KDM1A: variants seen among roughly 807,000 people sequenced by gnomAD.
The protein encoded by KDM1A is lysine demethylase 1A.
A neutral mutation model predicts 109.4 loss-of-function variants in KDM1A; 49 were observed. The ratio of observed to expected loss-of-function variants is 0.45; its 90% CI spans 0.36 to 0.57. KDM1A has a LOEUF of 0.57. Ranked by LOEUF, KDM1A falls within the 20% of genes least tolerant of loss-of-function variation. The pLI is 0.00. For missense variants in KDM1A, 668 were observed against 1,116.6 expected (o/e 0.60, Z 5.73); for synonymous variants, 380 against 415.4 (o/e 0.91, Z 1.04).
intron 4 of KDM1A, among the ~76,000 whole-genome samples, chr1:23,053,108 A>C (rs1295085050): frequency 6.6e-6 from 1 of 152,118 alleles, no homozygotes; most frequent in South Asian, 2.1e-4. Context: ...CGACATATCT[A>C]GTTGATCATT....
At chr1:23,029,043 T>G (rs1000088818) in intron 1 of KDM1A, among the ~76,000 whole-genome samples, 2 of 152,132 alleles carry the variant, frequency 1.3e-5, no homozygotes, top group African/African-American at 4.8e-5. Flanking sequence ...GTGTTTCCAT[T>G]TTCTAACCCA....
intron 4 of KDM1A, among the ~76,000 whole-genome samples, chr1:23,051,519 A>C (rs543885157): frequency 2.8e-4 from 43 of 152,258 alleles, no homozygotes; most frequent in African/African-American, 1.0e-3. Flanking sequence ...TGCTCCTATA[A>C]TTGGCCAAAA....
chr1:23,080,175 T>C (rs938370605), intron 18 of KDM1A, among the ~76,000 whole-genome samples: 18 of 152,222 alleles, frequency 1.2e-4, no homozygotes, highest in African/African-American at 3.9e-4. Flanking sequence ...GCCTTGTCAG[T>C]GCAGACACAT....
intron 5 of KDM1A, among the ~76,000 whole-genome samples, chr1:23,054,158 C>T (rs758626677): frequency 2.0e-5 from 3 of 152,092 alleles, no homozygotes; most frequent in Non-Finnish European, 4.4e-5. Context: ...AGACTTGGCA[C>T]CAACAATGTC....
At chr1:23,074,126 A>G (rs1643397713) in intron 15 of KDM1A, among the ~76,000 whole-genome samples, 1 of 152,224 alleles carries the variant, frequency 6.6e-6, no homozygotes, top group Non-Finnish European at 1.5e-5. Flanking sequence ...AATCTTGGTA[A>G]TGCCAGTTTT....
rs1368056777 is a variant in KDM1A at position 23,079,016 on chromosome 1, C to T, written c.1894C>T (p.Arg632Cys). Residue 632 changes from arginine to cysteine, a missense_variant, in exon 17 of 21, where the codon CGC becomes TGC. Coordinates refer to ENST00000400181, the MANE Select transcript of KDM1A (RefSeq NM_001009999.3). This position sits in a 1 kb window ranked among gnomAD's most constrained non-coding sequence, Gnocchi z 5.6. ...SGCEVIAVNT[R>C]STSQTFIYKC... ...ATGTGAAGTGATAGCTGTGAATACC[C>T]GCTCCACGAGTCAAACCTTTATTTA... 2 of 1,613,890 alleles carry T rather than the reference C, an allele frequency of 1.2e-6. No homozygotes were observed. Among genetic ancestry groups the T allele is most frequent in the Non-Finnish European group, 1.7e-6 (2 of 1,179,942 alleles).
intron 2 of KDM1A, among the ~76,000 whole-genome samples, chr1:23,042,312 T>C (rs1642359785): frequency 6.6e-6 from 1 of 151,994 alleles, no homozygotes. Flanking sequence ...ACTATTTGTT[T>C]CATTGTTCTG....
intron 9 of KDM1A, among the ~76,000 whole-genome samples, chr1:23,064,311 T>G (rs1275785663): frequency 6.6e-6 from 1 of 152,232 alleles, no homozygotes; most frequent in Non-Finnish European, 1.5e-5. Context: ...GAAGTAAATT[T>G]CTTCTTCTAG....
intron 2 of KDM1A, among the ~76,000 whole-genome samples, chr1:23,043,789 C>T (rs1282630478): frequency 6.6e-6 from 1 of 152,160 alleles, no homozygotes; most frequent in Non-Finnish European, 1.5e-5. Flanking sequence ...ATCTTGCCTG[C>T]CTTTCTCTGT....
chr1:23,056,268 A>G (rs1399193072), intron 7 of KDM1A, among the ~76,000 whole-genome samples: 1 of 151,954 alleles, frequency 6.6e-6, no homozygotes, highest in African/African-American at 2.4e-5. Context: ...TTCCTGACTG[A>G]TATTTTCAGA....
Position 23,072,162 on chromosome 1 carries a change from A to G in KDM1A, c.1587A>G (p.Glu529=). 1 of 1,611,634 alleles carries G rather than the reference A, an allele frequency of 6.2e-7. No homozygotes were observed. Among genetic ancestry groups the G allele is most frequent in the Non-Finnish European group, 8.5e-7 (1 of 1,178,690 alleles). Residue 529 remains glutamate (E), a synonymous_variant, in exon 14 of 21, where the codon GAA becomes GAG. Coordinates refer to ENST00000400181, the MANE Select transcript of KDM1A (RefSeq NM_001009999.3). ...DELAETQGKL[E]EKLQELEANP... ...TAGCTGAAACACAAGGAAAGCTAGA[A>G]GAAAAACTTCAGGAGTTGGAAGCGA...
chr1:23,079,126 T>C lies in KDM1A; in HGVS notation c.2004T>C (p.Pro668=). The C allele has an allele frequency of 6.2e-7, 1 of 1,614,174 alleles. No homozygotes were observed. ...PPAVQFVPPL[P]EWKTSAVQRM... is the part of the protein sequence containing the mutation. Reference sequence around the variant, plus strand: ...CCGTTCAGTTTGTGCCACCTCTCCCTGAGTGGAAAACATCTGCAGTCCAAA... The same window carrying C: ...CCGTTCAGTTTGTGCCACCTCTCCCCGAGTGGAAAACATCTGCAGTCCAAA... Residue 668 remains proline, a synonymous_variant, in exon 17 of 21, where the codon CCT becomes CCC. Coordinates refer to ENST00000400181, the MANE Select transcript of KDM1A (RefSeq NM_001009999.3). The surrounding 1 kb of genome is among the most constrained non-coding windows in gnomAD (Gnocchi z 5.6).
chr1:23,070,194 A>C (rs1470566657), intron 12 of KDM1A, among the ~76,000 whole-genome samples: 4 of 152,246 alleles, frequency 2.6e-5, no homozygotes, highest in African/African-American at 9.6e-5. Context: ...TTCTTTGGCC[A>C]GGCACAGTGG....
At chr1:23,056,750 T>C (rs1642840229) in intron 7 of KDM1A, among the ~76,000 whole-genome samples, 1 of 151,416 alleles carries the variant, frequency 6.6e-6, no homozygotes, top group South Asian at 2.1e-4. Flanking sequence ...TAGGACCATT[T>C]TGATTCCTAC....
Position 23,019,917 on chromosome 1 carries a change from G to GCGT in KDM1A, c.324_326dup (p.Arg109dup). On this transcript the variant is annotated inframe_insertion, in exon 1 of 21. Coordinates refer to ENST00000400181, the MANE Select transcript of KDM1A (RefSeq NM_001009999.3). ...CTGGAATAGCAGAGACTCCGGAGGGGCGTCGGACCAGCCGGCGCAAGCGGG... is the reference window on the plus strand; with the variant it reads ...CTGGAATAGCAGAGACTCCGGAGGGGCGTCGTCGGACCAGCCGGCGCAAGCGGG... 3 of 1,571,992 alleles carry GCGT rather than the reference G, an allele frequency of 1.9e-6. No homozygotes were observed. Among genetic ancestry groups the GCGT allele is most frequent in the Non-Finnish European group, 2.6e-6 (3 of 1,161,596 alleles).
intron 2 of KDM1A, among the ~76,000 whole-genome samples, chr1:23,040,614 C>T (rs1163146724): frequency 1.3e-5 from 2 of 148,960 alleles, no homozygotes; most frequent in African/African-American, 2.5e-5. Context: ...ATCGAGAACT[C>T]GTCTCTACAA....
rs569916993 is a variant in KDM1A, at chr1:23,077,281, G to A, written c.1788G>A (p.Ser596=). The stretch of plus-strand genomic sequence containing the variant: ...ACCTGACAGTAAGGAATGGCTACTC[G>A]TGTGTGCCTGTGGCTTTAGCAGAAG... ...GSHLTVRNGY[S]CVPVALAEGL... Residue 596 remains serine (S), a synonymous_variant, in exon 16 of 21, where the codon TCG becomes TCA. Transcript: ENST00000400181. The A allele has an allele frequency of 2.7e-5, 43 of 1,613,986 alleles. No individual in the cohort carries two copies. The East Asian group carries it at 4.7e-4, about 18-fold the overall frequency.
At position 23,072,209 on chromosome 1, in the gene KDM1A, A is replaced by G; in HGVS notation, c.1622+12A>G. On this transcript the variant is annotated intron_variant, in intron 14 of 20. Coordinates refer to ENST00000400181, the MANE Select transcript of KDM1A (RefSeq NM_001009999.3). ...GCGAATCCCCCAAGGTAAGGAAAAC[A>G]AACACAAAAGTTCAGAGGGAGAGCT... 1 of 1,599,886 alleles carries G rather than the reference A, an allele frequency of 6.3e-7. No homozygotes were observed. Among genetic ancestry groups the G allele is most frequent in the Non-Finnish European group, 8.6e-7 (1 of 1,169,398 alleles).
chr1:23,042,088 A>G (rs1642354308), intron 2 of KDM1A, among the ~76,000 whole-genome samples: 1 of 152,170 alleles, frequency 6.6e-6, no homozygotes, highest in Non-Finnish European at 1.5e-5. Context: ...AAGAAGGGAA[A>G]TGAGAGGAAT....
Sources: allele counts gnomAD v4.1 joint callset (sites outside exome capture counted in the v4.1 genomes callset), GRCh38; gene constraint gnomAD v4.1.1; non-coding constraint Gnocchi (gnomAD v3.1); transcripts MANE v1.5; gene names NCBI Gene and HGNC (gene_info 2026-07-23, HGNC 2026-07-21).